Variants in DZIP3 observed in about 807,000 individuals in gnomAD.
DZIP3 encodes DAZ interacting zinc finger protein 3.
Under a neutral mutation model 162.0 loss-of-function variants are expected in DZIP3, and 118 were observed. That is an observed-to-expected ratio of 0.73 (90% confidence interval 0.63 to 0.85). The LOEUF is 0.85. Among genes scored for constraint, DZIP3 ranks in the 40% least tolerant of loss-of-function variants. The pLI is 0.00. For synonymous variants in DZIP3, 438 were observed against 458.6 expected, an observed-to-expected ratio of 0.96 and a Z score of 0.57; for missense variants, 1,331 against 1,407.0, an observed-to-expected ratio of 0.95 and a Z score of 0.86.
intron 24 of DZIP3, among the ~76,000 whole-genome samples, chr3:108,675,585 A>G (rs1433398160): frequency 2.6e-5 from 4 of 152,092 alleles, no homozygotes; most frequent in African/African-American, 4.8e-5. Context: ...CTTGTGAAAA[A>G]TGAATTTTTT....
intron 10 of DZIP3, 49 bp downstream of exon 10, chr3:108,635,021 T>C: frequency 8.3e-7 from 1 of 1,197,890 alleles, no homozygotes. Flanking sequence ...CCTCTACCCT[T>C]TCCTCTTTTG....
intron 14 of DZIP3, among the ~76,000 whole-genome samples, chr3:108,645,331 TGTTC>T (rs1942577082): frequency 1.3e-5 from 2 of 152,228 alleles, no homozygotes; most frequent in African/African-American, 2.4e-5. Context: ...GTTTCAAAGA[TGTTC>T]GTTTAGACAC....
chr3:108,669,727 A>G lies in DZIP3; in HGVS notation c.2470A>G (p.Lys824Glu), dbSNP rs749991470. Residue 824 changes from lysine (K) to glutamate (E), a missense_variant, in exon 22 of 33, where the codon AAA (lysine) becomes GAA (glutamate). Lys to Glu is a moderately conservative substitution (Grantham distance 56, BLOSUM62 1). Transcript: ENST00000361582. The stretch of plus-strand genomic sequence containing the variant: ...TAAAGATAATGAAATCAAGAACCTT[A>G]AAGAGCAACTTTCTATGAAAAGGTA... Reference protein sequence around the residue: ...HAKDNEIKNLKEQLSMKRSQW... With the variant: ...HAKDNEIKNLEEQLSMKRSQW... 2.5e-6 allele frequency: 4 copies of G among 1,611,298 alleles called. No individual in the cohort carries two copies. The highest frequency in any genetic ancestry group is 2.5e-6 in the Non-Finnish European group (3 of 1,178,344).
intron 27 of DZIP3, 57 bp from the exon 28 acceptor site, chr3:108,686,388 G>A (rs1308976132): frequency 3.5e-6 from 5 of 1,443,614 alleles, no homozygotes; most frequent in Non-Finnish European, 4.6e-6. Context: ...CTGAGGTATA[G>A]GAATGTCACT....
intron 24 of DZIP3, 83 bp downstream of exon 24, chr3:108,674,264 G>T: frequency 8.3e-7 from 1 of 1,210,410 alleles, no homozygotes; most frequent in Non-Finnish European, 1.2e-6. Flanking sequence ...TCTGTGATGT[G>T]TTTTACATAT....
At position 108,688,711 on chromosome 3, in the gene DZIP3, C is replaced by A; in HGVS notation, c.3389C>A (p.Ala1130Asp). 1 of 1,614,042 alleles carries A rather than the reference C, an allele frequency of 6.2e-7. No homozygotes were observed. Among genetic ancestry groups the A allele is most frequent in the Non-Finnish European group, 8.5e-7 (1 of 1,179,984 alleles). Residue 1130 changes from alanine to aspartate, a missense_variant, in exon 30 of 33, where the codon GCC becomes GAC. Coordinates refer to ENST00000361582, the MANE Select transcript of DZIP3 (RefSeq NM_014648.4). ...AWRPLTSQGP[A>D]TWEGASNPDE... ...AGGCCACTCACTTCACAGGGTCCTG[C>A]CACATGGGAAGGAGCCAGTAATCCA...
At chr3:108,608,608 T>C (rs771822860) in intron 3 of DZIP3, among the ~76,000 whole-genome samples, 8 of 152,172 alleles carry the variant, frequency 5.3e-5, no homozygotes, top group Admixed American at 2.0e-4. Context: ...TTAGAACTTC[T>C]AGGTCTAAAT....
intron 15 of DZIP3, 132 bp downstream of exon 15, chr3:108,646,781 G>A (rs1051925405): frequency 1.9e-5 from 12 of 624,872 alleles, no homozygotes; most frequent in Middle Eastern, 4.7e-4. Context: ...AGTGGCTCAC[G>A]CCTATAATCC....
Position 108,631,055 on chromosome 3 carries a change from A to ACACATACACTCT in DZIP3, c.696+1880_696+1881insACATACACTCTC. Reference sequence around the variant, plus strand: ...CACACACACACACACACACACACACACTCTCTCTCTCTCTCTCTCTCTCTC... The same window carrying ACACATACACTCT: ...CACACACACACACACACACACACACACACATACACTCTCTCTCTCTCTCTCTCTCTCTCTCTC... On this transcript the variant is annotated intron_variant, in intron 8 of 32. Transcript: ENST00000361582. Among the ~76,000 whole-genome samples the ACACATACACTCT allele has an allele frequency of 1.1e-3, 20 of 18,016 alleles. 1 individual carries two copies. The highest frequency in any genetic ancestry group is 9.4e-3 in the South Asian group (4 of 426). 11.8% of individuals were successfully genotyped at this position (18,016 alleles called of 152,430 possible).
At chr3:108,685,977 T>C (rs567807608) in intron 27 of DZIP3, among the ~76,000 whole-genome samples, 13 of 152,194 alleles carry the variant, frequency 8.5e-5, no homozygotes, top group Non-Finnish European at 1.6e-4. Flanking sequence ...ATATCTCTTA[T>C]GCCCAGACAT....
At chr3:108,644,010 G>T (rs572114442) in intron 13 of DZIP3, among the ~76,000 whole-genome samples, 154 bp from the exon 14 acceptor site, 1 of 152,240 alleles carries the variant, frequency 6.6e-6, no homozygotes, top group East Asian at 1.9e-4. Flanking sequence ...AAAGCAGCAT[G>T]CTAATTGAGC....
At chr3:108,634,186 G>A (rs774389487) in intron 9 of DZIP3, among the ~76,000 whole-genome samples, 14 of 152,110 alleles carry the variant, frequency 9.2e-5, no homozygotes, top group Non-Finnish European at 1.8e-4. Flanking sequence ...AAGTGAGCCT[G>A]GTGAGATGTA....
At chr3:108,653,030 T>C (rs1400394397) in intron 18 of DZIP3, among the ~76,000 whole-genome samples, 14 of 151,930 alleles carry the variant, frequency 9.2e-5, no homozygotes, top group Admixed American at 9.2e-4. Context: ...TGGTGAACTT[T>C]TCAAAAATAC....
intron 16 of DZIP3, 73 bp from the exon 17 acceptor site, chr3:108,648,845 G>A (rs1468381900): frequency 3.9e-6 from 3 of 773,324 alleles, no homozygotes; most frequent in Non-Finnish European, 5.5e-6. Context: ...GTGGTGAGAG[G>A]AAATATATTT....
In DZIP3 at chr3:108,644,354, T is replaced by C; in HGVS notation, c.1332T>C (p.Pro444=). 1 of 1,614,108 alleles carries C rather than the reference T, an allele frequency of 6.2e-7. No individual in the cohort carries two copies. Among genetic ancestry groups the C allele is most frequent in the Non-Finnish European group, 8.5e-7 (1 of 1,179,976 alleles). The change falls in exon 14 of 33, where the codon CCT becomes CCC. Residue 444 remains proline (P), a synonymous_variant. Coordinates refer to ENST00000361582, the MANE Select transcript of DZIP3 (RefSeq NM_014648.4). ...ACAACCATCTTTGGACCAATCATCC[T>C]TTGGGTGGATCATGGCATCTGCTTT... The part of the protein sequence containing the change: ...SYYNHLWTNH[P]LGGSWHLLYP...
intron 25 of DZIP3, among the ~76,000 whole-genome samples, chr3:108,677,131 T>C (rs1173812081): frequency 1.3e-5 from 2 of 152,100 alleles, no homozygotes; most frequent in Non-Finnish European, 2.9e-5. Flanking sequence ...TTTTTCCTGT[T>C]TTTTAGCCAG....
chr3:108,639,947 G>A (rs1342331094), intron 12 of DZIP3, among the ~76,000 whole-genome samples: 1 of 151,726 alleles, frequency 6.6e-6, no homozygotes, highest in African/African-American at 2.4e-5. Context: ...ATGTTTTGAT[G>A]TGTAGAAATT....
intron 32 of DZIP3, among the ~76,000 whole-genome samples, chr3:108,693,110 T>C (rs1174664603): frequency 6.6e-6 from 1 of 151,700 alleles, no homozygotes; most frequent in Admixed American, 6.6e-5. Context: ...CAAGAGATTT[T>C]TTTTTAATTC....
At chr3:108,675,739 G>T (rs1944082927) in intron 24 of DZIP3, 47 bp from the exon 25 acceptor site, 4 of 1,533,446 alleles carry the variant, frequency 2.6e-6, no homozygotes, top group African/African-American at 2.8e-5. Flanking sequence ...AAACCTAAGT[G>T]TTATAAAAAG....
Sources: gnomAD v4.1 joint callset for allele counts (sites outside exome capture counted in the v4.1 genomes callset) on GRCh38, gnomAD v4.1.1 for gene constraint, MANE v1.5 for transcripts, NCBI Gene and HGNC (gene_info 2026-07-23, HGNC 2026-07-21) for gene names.